The following PRKCH variants were observed in gnomAD, a reference collection of about 807,000 sequenced individuals.
PRKCH encodes the protein protein kinase C eta.
PRKCH carries 28 observed loss-of-function variants against 82.5 expected under a neutral mutation model. The ratio of observed to expected loss-of-function variants is 0.34; its 90% confidence interval spans 0.25 to 0.47. PRKCH has a LOEUF of 0.47. Ranked by LOEUF, PRKCH falls within the 20% of genes least tolerant of loss-of-function variation. PRKCH has a pLI of 1.00. For missense variants in PRKCH, 705 were observed against 881.8 expected (o/e 0.80, Z 2.54); for synonymous variants, 322 against 327.4 (o/e 0.98, Z 0.18).
chr14:61,442,971 T>G, intron 2 of PRKCH, 140 bp from the exon 3 acceptor site: 9 of 781,322 alleles, frequency 1.2e-5, no homozygotes, highest in East Asian at 5.9e-5. Context: ...GCCATAATGA[T>G]TTTAGGGGGG....
intron 1 of PRKCH, among the ~76,000 whole-genome samples, chr14:61,210,111 A>C (rs866190582): frequency 1.1e-5 from 1 of 87,366 alleles, no homozygotes; most frequent in Non-Finnish European, 2.5e-5. Context: ...CAAACAAACA[A>C]ATATATATAT....
chr14:61,337,637 G>C lies in PRKCH; in HGVS notation c.363+15173G>C, dbSNP rs2045877128. On this transcript the variant is annotated intron_variant, in intron 1 of 13. Coordinates refer to ENST00000332981, the MANE Select transcript of PRKCH (RefSeq NM_006255.5). ...GGTAGGGTCTCACTATGTTGCCCAGGCTGCTCTCTAATTCCTGACTTCGAG... is the reference window on the plus strand; with the variant it reads ...GGTAGGGTCTCACTATGTTGCCCAGCCTGCTCTCTAATTCCTGACTTCGAG... Among the ~76,000 whole-genome samples, 3 of 152,162 alleles carry C rather than the reference G, an allele frequency of 2.0e-5. No individual in the cohort carries two copies. In the South Asian group the frequency reaches 6.2e-4, roughly 32 times the overall value.
intron 1 of PRKCH, among the ~76,000 whole-genome samples, chr14:61,253,374 G>A (rs900933959): frequency 1.1e-4 from 17 of 152,218 alleles, no homozygotes; most frequent in African/African-American, 4.1e-4. Flanking sequence ...CTTCAAGACT[G>A]AGTTTTCAGA....
intron 1 of PRKCH, among the ~76,000 whole-genome samples, chr14:61,365,340 G>A (rs934002258): frequency 1.3e-5 from 2 of 152,042 alleles, no homozygotes; most frequent in Admixed American, 6.5e-5. Context: ...GGAAAGTTTT[G>A]ACAATGAATA....
intron 9 of PRKCH, among the ~76,000 whole-genome samples, chr14:61,458,978 G>A (rs74450101): frequency 1.3e-5 from 2 of 152,128 alleles, no homozygotes; most frequent in Non-Finnish European, 2.9e-5. Context: ...GGCTGGAAGA[G>A]CAAATATCAG....
At chr14:61,520,074 C>CA (rs71992585) in intron 10 of PRKCH, among the ~76,000 whole-genome samples, 4,902 of 97,396 alleles carry the variant, frequency 0.05, 226 homozygotes, top group African/African-American at 0.13. Context: ...CTACAGAAAC[C>CA]AAAAAAAAAA....
At chr14:61,523,308 A>G (rs2042927982) in intron 10 of PRKCH, among the ~76,000 whole-genome samples, 1 of 152,268 alleles carries the variant, frequency 6.6e-6, no homozygotes, top group African/African-American at 2.4e-5. Flanking sequence ...AGTAATATGC[A>G]TAAAACATCC....
At chr14:61,397,242 G>A (rs2046799444) in intron 2 of PRKCH, among the ~76,000 whole-genome samples, 2 of 152,304 alleles carry the variant, frequency 1.3e-5, no homozygotes, top group South Asian at 2.1e-4. Flanking sequence ...GAAGAAAGAG[G>A]AGTCTCAGAT....
intron 1 of PRKCH, among the ~76,000 whole-genome samples, chr14:61,231,493 G>C (rs1035416874): frequency 1.3e-5 from 2 of 151,782 alleles, no homozygotes; most frequent in African/African-American, 4.8e-5. Flanking sequence ...CTTCTGAGTA[G>C]CTGGGACTAT....
At chr14:61,404,406 T>C (rs1881825942) in intron 2 of PRKCH, among the ~76,000 whole-genome samples, 2 of 152,206 alleles carry the variant, frequency 1.3e-5, no homozygotes, top group Non-Finnish European at 2.9e-5. Context: ...ATGTCCTGGG[T>C]CAAGCAATAC....
intron 1 of PRKCH, among the ~76,000 whole-genome samples, chr14:61,347,549 G>A (rs1030621687): frequency 6.6e-6 from 1 of 152,168 alleles, no homozygotes; most frequent in African/African-American, 2.4e-5. Flanking sequence ...TCCCAATTTT[G>A]TGGAGGTTTG....
chr14:61,423,106 C>T (rs1380673391), intron 2 of PRKCH, among the ~76,000 whole-genome samples: 1 of 152,134 alleles, frequency 6.6e-6, no homozygotes, highest in African/African-American at 2.4e-5. Flanking sequence ...GAGGCAAGGC[C>T]CTTTCACAGC....
intron 1 of PRKCH, among the ~76,000 whole-genome samples, chr14:61,313,353 T>C (rs564355114): frequency 6.6e-6 from 1 of 152,342 alleles, no homozygotes; most frequent in South Asian, 2.1e-4. Flanking sequence ...TAATAATAGC[T>C]TTAGAGAAAA....
At chr14:61,398,565 A>C (rs1312226590) in intron 2 of PRKCH, among the ~76,000 whole-genome samples, 4 of 152,170 alleles carry the variant, frequency 2.6e-5, no homozygotes. Context: ...ACAAATAAAA[A>C]ACCAGACATG....
At chr14:61,402,606 C>T (rs1307668259) in intron 2 of PRKCH, among the ~76,000 whole-genome samples, 1 of 151,890 alleles carries the variant, frequency 6.6e-6, no homozygotes, top group East Asian at 1.9e-4. Context: ...ACCATCCTGG[C>T]CAACATGGTG....
At chr14:61,475,370 T>G (rs768068746) in intron 9 of PRKCH, among the ~76,000 whole-genome samples, 4 of 152,240 alleles carry the variant, frequency 2.6e-5, no homozygotes, top group Non-Finnish European at 5.9e-5. Flanking sequence ...TTTAGTGTAT[T>G]TCAAATGTGG....
At chr14:61,210,107 AACAAATATATATATATATATAT>A (rs2044558849) in intron 1 of PRKCH, among the ~76,000 whole-genome samples, 1 of 107,764 alleles carries the variant, frequency 9.3e-6, no homozygotes, top group East Asian at 2.9e-4. Flanking sequence ...CAAACAAACA[AACAAATATATATATATATATAT>A]ATATATATAT....
intron 1 of PRKCH, among the ~76,000 whole-genome samples, chr14:61,357,286 G>A (rs944529561): frequency 3.3e-5 from 5 of 152,074 alleles, no homozygotes; most frequent in African/African-American, 4.8e-5. Flanking sequence ...CTCTCCACCC[G>A]CCTCACTCTT....
At chr14:61,216,519 G>T (rs746728793) in intron 1 of PRKCH, among the ~76,000 whole-genome samples, 14 of 151,986 alleles carry the variant, frequency 9.2e-5, no homozygotes, top group Non-Finnish European at 1.9e-4. Context: ...AAAGTCAAAG[G>T]TTGCAAAGAA....
Sources: gnomAD v4.1 joint callset for allele counts (sites outside exome capture counted in the v4.1 genomes callset) on GRCh38, gnomAD v4.1.1 for gene constraint, MANE v1.5 for transcripts, NCBI Gene and HGNC (gene_info 2026-07-23, HGNC 2026-07-21) for gene names.